GABRR2: variants seen among roughly 807,000 people sequenced by gnomAD.
GABRR2 encodes gamma-aminobutyric acid receptor subunit rho-2.
A neutral mutation model predicts 47.0 loss-of-function variants in GABRR2; 36 were observed. The observed-to-expected ratio is 0.77, with a 90% CI of 0.59 to 1.01. The LOEUF (loss-of-function observed/expected upper bound fraction) is 1.01, where lower values mean the gene tolerates loss of function less well. Among genes scored for constraint, GABRR2 ranks in the 50% least tolerant of loss-of-function variants. The pLI, the probability that GABRR2 is intolerant of heterozygous loss-of-function variation, is 0.00. For missense variants in GABRR2, 587 were observed against 594.6 expected, an observed-to-expected ratio of 0.99 and a Z score of 0.13; for synonymous variants, 204 against 227.5, an observed-to-expected ratio of 0.90 and a Z score of 0.93.
At chr6:89,304,466 G>C (rs1767516740) in intron 1 of GABRR2, among the ~76,000 whole-genome samples, 2 of 151,964 alleles carry the variant, frequency 1.3e-5, no homozygotes, top group South Asian at 4.1e-4. Flanking sequence ...GCGTGCACCT[G>C]TAATCCCAGC....
rs1562380077 is a variant in GABRR2 at position 89,292,836 on chromosome 6, A to ATATAT, written c.220+6922_220+6923insATATA. On this transcript the variant is annotated intron_variant, in intron 2 of 8. Coordinates refer to ENST00000402938, the MANE Select transcript of GABRR2 (RefSeq NM_002043.5). ...ACGATATATCGTATATATCGTATAT[A>ATATAT]CGATATATCGTATATATCATATATT... 4.2e-4 allele frequency among the ~76,000 whole-genome samples: 49 copies of ATATAT among 116,348 alleles called. 3 individuals are homozygous for ATATAT. The highest frequency in any genetic ancestry group is 1.5e-3 in the African/African-American group (46 of 30,570). 76.3% of individuals were successfully genotyped at this position (116,348 alleles called of 152,430 possible). A position where few individuals can be genotyped will look rare whatever the true frequency, so the allele number is the denominator to read the frequency against.
intron 2 of GABRR2, among the ~76,000 whole-genome samples, chr6:89,275,722 G>T (rs2127837314): frequency 6.6e-6 from 1 of 152,342 alleles, no homozygotes; most frequent in South Asian, 2.1e-4. Context: ...GAGAGGCAGA[G>T]AGATGCTTTT....
At chr6:89,272,879 C>T (rs1172256960) in intron 2 of GABRR2, among the ~76,000 whole-genome samples, 1 of 152,178 alleles carries the variant, frequency 6.6e-6, no homozygotes, top group Non-Finnish European at 1.5e-5. Context: ...ACTAGAAAGC[C>T]CAGTCCTCAG....
rs1004716215 is a variant in GABRR2 at position 89,254,996 on chromosome 6, G to A, written c.*2674C>T. Among the ~76,000 whole-genome samples, 1 of 152,160 alleles carries A rather than the reference G, an allele frequency of 6.6e-6. No homozygotes were observed. Among genetic ancestry groups the A allele is most frequent in the Non-Finnish European group, 1.5e-5 (1 of 68,028 alleles). On this transcript the variant is annotated 3_prime_UTR_variant, in exon 9 of 9. Coordinates refer to ENST00000402938, the MANE Select transcript of GABRR2 (RefSeq NM_002043.5). ...TTGTGAACAGGCAACTATGTTATAT[G>A]AGCCATAATGCATGAAAACAATGCA... is the stretch of plus-strand genomic sequence containing the variant.
At chr6:89,306,400 T>C (rs1359728489) in intron 1 of GABRR2, among the ~76,000 whole-genome samples, 2 of 152,216 alleles carry the variant, frequency 1.3e-5, no homozygotes, top group African/African-American at 2.4e-5. Flanking sequence ...AAGAATGGTT[T>C]TGTGATAAAT....
chr6:89,300,505 A>C (rs993512367), intron 1 of GABRR2, among the ~76,000 whole-genome samples: 1 of 151,964 alleles, frequency 6.6e-6, no homozygotes, highest in African/African-American at 2.4e-5. Context: ...TCGCAAAAAA[A>C]AACAAAAAGA....
intron 1 of GABRR2, among the ~76,000 whole-genome samples, chr6:89,306,641 C>G (rs952645865): frequency 6.6e-6 from 1 of 152,192 alleles, no homozygotes; most frequent in East Asian, 1.9e-4. Context: ...TTCCTCTAAA[C>G]CAGGTGACGG....
chr6:89,268,179 C>A (rs1475275514), intron 4 of GABRR2, 83 bp from the exon 5 acceptor site: 6 of 952,776 alleles, frequency 6.3e-6, no homozygotes, highest in Non-Finnish European at 1.0e-5. Context: ...GCACAGCACA[C>A]AACTGAGTAG....
chr6:89,266,932 C>G (rs374422788), intron 6 of GABRR2, among the ~76,000 whole-genome samples: 1 of 150,896 alleles, frequency 6.6e-6, no homozygotes, highest in African/African-American at 2.5e-5. Flanking sequence ...GCAATCCTCC[C>G]TCCTCAGCCT....
chr6:89,298,740 C>T (rs906201653), intron 2 of GABRR2, among the ~76,000 whole-genome samples: 5 of 152,148 alleles, frequency 3.3e-5, no homozygotes, highest in Non-Finnish European at 7.3e-5. Flanking sequence ...GCTGCTATGG[C>T]CTGAATGTTT....
chr6:89,257,918 A>T lies in GABRR2; in HGVS notation c.1150T>A (p.Ser384Thr). 6.2e-7 allele frequency: 1 copy of T among 1,613,896 alleles called. No individual in the cohort carries two copies. Among genetic ancestry groups the T allele is most frequent in the Non-Finnish European group, 8.5e-7 (1 of 1,179,862 alleles). The change falls in exon 9 of 9, where the codon TCT becomes ACT. Residue 384 changes from serine to threonine, a missense_variant. Ser to Thr is a moderately conservative substitution (Grantham distance 58). Transcript: ENST00000402938. ...TMMLDGSYSE[S>T]EANSLAGYPR... ...TACCCAGCCAGGCTGTTGGCCTCAGACTCACTGTAGCTTCCATCCAGCATC... is the reference window on the plus strand; with the variant it reads ...TACCCAGCCAGGCTGTTGGCCTCAGTCTCACTGTAGCTTCCATCCAGCATC...
intron 2 of GABRR2, among the ~76,000 whole-genome samples, chr6:89,295,352 C>T (rs1427678032): frequency 6.6e-6 from 1 of 152,136 alleles, no homozygotes; most frequent in South Asian, 2.1e-4. Flanking sequence ...GTGAGATGGT[C>T]TCTCATTGTG....
In GABRR2 at chr6:89,302,919, G is replaced by A. The variant is rs569905650; in HGVS notation, c.114-3054C>T. On this transcript the variant is annotated intron_variant, in intron 1 of 8. Coordinates refer to ENST00000402938, the MANE Select transcript of GABRR2 (RefSeq NM_002043.5). Reference sequence around the variant, plus strand: ...GTTCAAGCATCTCAGAGCAGTTCACGGACATGTTCCAGCACAAGGCCTTCC... The same window carrying A: ...GTTCAAGCATCTCAGAGCAGTTCACAGACATGTTCCAGCACAAGGCCTTCC... The A allele has an allele frequency of 9.4e-4, 1,108 of 1,177,340 alleles. 5 individuals carry two copies. Among genetic ancestry groups the A allele is most frequent in the Non-Finnish European group, 1.0e-3 (840 of 830,600 alleles). 72.9% of individuals were successfully genotyped at this position (1,177,340 alleles called of 1,614,324 possible).
At chr6:89,296,053 G>A (rs189987800) in intron 2 of GABRR2, among the ~76,000 whole-genome samples, 1 of 152,302 alleles carries the variant, frequency 6.6e-6, no homozygotes, top group East Asian at 1.9e-4. Context: ...CTAACTAGAA[G>A]CCTGTCAGGG....
intron 2 of GABRR2, among the ~76,000 whole-genome samples, chr6:89,272,224 C>T (rs1774069354): frequency 6.6e-6 from 1 of 152,220 alleles, no homozygotes; most frequent in Non-Finnish European, 1.5e-5. Flanking sequence ...CCTCTAGAGG[C>T]CTTCAACCCA....
chr6:89,264,113 G>A (rs1773819069), intron 8 of GABRR2, among the ~76,000 whole-genome samples: 1 of 152,178 alleles, frequency 6.6e-6, no homozygotes, highest in Non-Finnish European at 1.5e-5. Flanking sequence ...GACTCTTACA[G>A]TAGAGGTGAG....
intron 8 of GABRR2, among the ~76,000 whole-genome samples, chr6:89,262,262 T>C (rs193267133): frequency 2.7e-3 from 415 of 152,334 alleles, no homozygotes; most frequent in Non-Finnish European, 4.9e-3. Context: ...TTGTAATACA[T>C]TGAAATGTTA....
intron 2 of GABRR2, among the ~76,000 whole-genome samples, chr6:89,280,247 T>TATACATAC (rs1554197256): frequency 9.9e-6 from 1 of 101,330 alleles, no homozygotes; most frequent in Non-Finnish European, 2.1e-5. Context: ...TATATATATA[T>TATACATAC]ATATATACAT....
chr6:89,315,002 C>T (rs1259821021), intron 1 of GABRR2, 51 bp downstream of exon 1: 1 of 1,531,584 alleles, frequency 6.5e-7, no homozygotes, highest in Non-Finnish European at 9.0e-7. Context: ...TGTGCCACTG[C>T]TGCTGCTACT....
Sources: allele counts gnomAD v4.1 joint callset (sites outside exome capture counted in the v4.1 genomes callset), GRCh38; gene constraint gnomAD v4.1.1; transcripts MANE v1.5; gene names NCBI Gene and HGNC (gene_info 2026-07-23, HGNC 2026-07-21).